The following AMBRA1 variants were observed in gnomAD, a reference collection of about 807,000 sequenced individuals.
AMBRA1 encodes the protein activating molecule in BECN1-regulated autophagy protein 1.
A neutral mutation model predicts 125.4 loss-of-function variants in AMBRA1; 47 were observed. The ratio of observed to expected loss-of-function variants is 0.37; its 90% CI spans 0.30 to 0.48. The LOEUF (loss-of-function observed/expected upper bound fraction) is 0.48. Among genes scored for constraint, AMBRA1 ranks in the 20% least tolerant of loss-of-function variants. The pLI, the probability that AMBRA1 is intolerant of heterozygous loss-of-function variation, is 0.99. For synonymous variants in AMBRA1, 626 were observed against 655.5 expected (o/e 0.95, Z 0.69); for missense variants, 1,331 against 1,693.4 (o/e 0.79, Z 3.76).
At chr11:46,568,581 T>C (rs1164719546) in intron 1 of AMBRA1, among the ~76,000 whole-genome samples, 1 of 151,588 alleles carries the variant, frequency 6.6e-6, no homozygotes, top group African/African-American at 2.4e-5. Flanking sequence ...GAGACCAGCC[T>C]GACCAACAGA....
intron 9 of AMBRA1, among the ~76,000 whole-genome samples, chr11:46,502,784 G>T (rs1181622868): frequency 1.3e-5 from 2 of 152,180 alleles, no homozygotes; most frequent in Non-Finnish European, 2.9e-5. Context: ...TTGTGGGCCA[G>T]ATGTGGTGGC....
intron 11 of AMBRA1, among the ~76,000 whole-genome samples, chr11:46,457,905 C>CAA (rs398045181): frequency 5.0e-4 from 40 of 79,652 alleles, no homozygotes; most frequent in African/African-American, 7.6e-4. Context: ...GACTCCGTTG[C>CAA]AAAAAAAAAA....
In AMBRA1 at chr11:46,443,538, C is replaced by T; in HGVS notation, c.2582G>A (p.Arg861Gln). Residue 861 changes from arginine (R) to glutamine (Q), a missense_variant, in exon 12 of 18, where the codon CGG becomes CAG. Physicochemically the swap from Arg to Gln is conservative, Grantham distance 43 (BLOSUM62 1). This residue lies in a region of AMBRA1 where 354 missense variants were observed against 532.7 expected (regional missense o/e 0.66). Coordinates refer to ENST00000683756, the MANE Select transcript of AMBRA1 (RefSeq NM_001387011.1). ...CTTAGTGAAGTCCCACCACTGGAGCCGGTAGGTAGTATTGGCAATGTTACT... is the reference window on the plus strand; with the variant it reads ...CTTAGTGAAGTCCCACCACTGGAGCTGGTAGGTAGTATTGGCAATGTTACT... ...VASNIANTTY[R>Q]LQWWDFTKFD... is the part of the protein sequence containing the mutation. 1.2e-6 allele frequency: 2 copies of T among 1,614,140 alleles called. No individual in the cohort carries two copies. Among genetic ancestry groups the T allele is most frequent in the Non-Finnish European group, 1.7e-6 (2 of 1,180,032 alleles).
intron 1 of AMBRA1, among the ~76,000 whole-genome samples, chr11:46,574,865 C>A (rs1386793432): frequency 6.6e-6 from 1 of 152,204 alleles, no homozygotes; most frequent in Non-Finnish European, 1.5e-5. Context: ...CAATGTTTCA[C>A]TTTCTCTCAT....
chr11:46,411,436 G>A (rs1946293620), intron 15 of AMBRA1, among the ~76,000 whole-genome samples: 1 of 152,242 alleles, frequency 6.6e-6, no homozygotes, highest in African/African-American at 2.4e-5. Flanking sequence ...GCTGCCTCAG[G>A]TAAAAGGCAA....
At chr11:46,562,984 A>G (rs1431515191) in intron 1 of AMBRA1, among the ~76,000 whole-genome samples, 1 of 152,008 alleles carries the variant, frequency 6.6e-6, no homozygotes, top group Non-Finnish European at 1.5e-5. Context: ...TTTTAGTGGA[A>G]ACAGGGTTTC....
chr11:46,485,942 G>A (rs1950253982), intron 11 of AMBRA1, among the ~76,000 whole-genome samples: 1 of 152,126 alleles, frequency 6.6e-6, no homozygotes, highest in Non-Finnish European at 1.5e-5. Context: ...TCCAGTGACT[G>A]GTGGACACCA....
intron 1 of AMBRA1, among the ~76,000 whole-genome samples, chr11:46,571,559 C>T (rs1478221711): frequency 6.6e-6 from 1 of 152,008 alleles, no homozygotes; most frequent in Admixed American, 6.6e-5. Context: ...CCTGTAGTCC[C>T]AGCTACTCAG....
In AMBRA1 at chr11:46,407,360, C is replaced by T. The variant is rs117148611; in HGVS notation, c.3403+1153G>A. 3.3e-4 allele frequency among the ~76,000 whole-genome samples: 51 copies of T among 152,308 alleles called. 1 individual carries two copies. The East Asian group carries it at 9.8e-3, about 29-fold the overall frequency. ...GGCCTGCTGGCTCCATTGAGAAGCC[C>T]GTGGTGGTTCCCTTTTGCCTGGCCC... is the stretch of plus-strand genomic sequence containing the variant. On this transcript the variant is annotated intron_variant, in intron 17 of 17. Transcript: ENST00000683756.
chr11:46,428,648 C>T, intron 14 of AMBRA1: 9 of 1,594,738 alleles, frequency 5.6e-6, no homozygotes, highest in Non-Finnish European at 6.8e-6. Context: ...GAATCCTCTC[C>T]AATTTTACTG....
At chr11:46,590,056 A>G (rs909133627) in intron 1 of AMBRA1, among the ~76,000 whole-genome samples, 1 of 152,118 alleles carries the variant, frequency 6.6e-6, no homozygotes, top group African/African-American at 2.4e-5. Flanking sequence ...CACATATTGA[A>G]AATATTGTGA....
chr11:46,437,137 C>T (rs1238755035), intron 12 of AMBRA1, among the ~76,000 whole-genome samples: 1 of 152,160 alleles, frequency 6.6e-6, no homozygotes, highest in Non-Finnish European at 1.5e-5. Context: ...TAACTGCTTA[C>T]GGAGACAAGG....
chr11:46,436,457 A>G (rs943993007), intron 12 of AMBRA1, among the ~76,000 whole-genome samples: 7 of 152,250 alleles, frequency 4.6e-5, no homozygotes, highest in Non-Finnish European at 1.0e-4. Flanking sequence ...AGGGACCACA[A>G]GGATGGTTCT....
intron 1 of AMBRA1, among the ~76,000 whole-genome samples, chr11:46,578,468 C>T (rs2044043187): frequency 6.6e-6 from 1 of 150,516 alleles, no homozygotes; most frequent in African/African-American, 2.5e-5. Context: ...GCCTGGGCGA[C>T]AGAGCAAGAC....
intron 15 of AMBRA1, among the ~76,000 whole-genome samples, chr11:46,416,346 C>T (rs1271374408): frequency 6.6e-6 from 1 of 152,144 alleles, no homozygotes; most frequent in Non-Finnish European, 1.5e-5. Context: ...TGAAAATGCT[C>T]TCTGGATGCT....
intron 17 of AMBRA1, among the ~76,000 whole-genome samples, chr11:46,399,644 C>T (rs1257853214): frequency 1.3e-5 from 2 of 152,218 alleles, no homozygotes; most frequent in East Asian, 3.8e-4. Context: ...GGATTACAGG[C>T]GTGAGCCACC....
chr11:46,489,527 C>G (rs1950391896), intron 11 of AMBRA1, among the ~76,000 whole-genome samples: 1 of 152,192 alleles, frequency 6.6e-6, no homozygotes. Flanking sequence ...ATCTCTTGCT[C>G]AAGACACTGG....
intron 11 of AMBRA1, among the ~76,000 whole-genome samples, chr11:46,463,241 C>G (rs574089709): frequency 6.6e-6 from 1 of 152,190 alleles, no homozygotes; most frequent in African/African-American, 2.4e-5. Context: ...TTCAGCCCAC[C>G]AGGGGCCAAC....
At chr11:46,497,673 G>C (rs1182987739) in intron 9 of AMBRA1, among the ~76,000 whole-genome samples, 1 of 152,188 alleles carries the variant, frequency 6.6e-6, no homozygotes, top group Non-Finnish European at 1.5e-5. Context: ...GTAAAACCTT[G>C]AATACCGGAA....
Sources: allele counts gnomAD v4.1 joint callset (sites outside exome capture counted in the v4.1 genomes callset), GRCh38; gene constraint gnomAD v4.1.1; regional missense constraint gnomAD v4.1.1; transcripts MANE v1.5; gene names NCBI Gene and HGNC (gene_info 2026-07-23, HGNC 2026-07-21).